FRMD5: variants seen among roughly 807,000 people sequenced by gnomAD.
The protein encoded by FRMD5 is FERM domain containing 5.
In FRMD5, 20 loss-of-function variants were observed where a neutral mutation model predicts 69.0. That is an observed-to-expected ratio of 0.29 (90% CI 0.20 to 0.42). FRMD5 has a LOEUF of 0.42. Among genes scored for constraint, FRMD5 ranks in the 10% least tolerant of loss-of-function variants. The pLI is 1.00. For synonymous variants in FRMD5, 271 were observed against 260.1 expected, an observed-to-expected ratio of 1.04 and a Z score of -0.40; for missense variants, 595 against 708.6, an observed-to-expected ratio of 0.84 and a Z score of 1.82.
chr15:44,085,753 G>C (rs756071871), intron 1 of FRMD5, among the ~76,000 whole-genome samples: 8 of 152,160 alleles, frequency 5.3e-5, no homozygotes, highest in Non-Finnish European at 8.8e-5. Context: ...CTGAGGAAGA[G>C]AGACAAGTTA....
intron 1 of FRMD5, among the ~76,000 whole-genome samples, chr15:43,964,031 A>G (rs2140552036): frequency 6.6e-6 from 1 of 152,262 alleles, no homozygotes; most frequent in East Asian, 1.9e-4. Context: ...CATTGTGCAC[A>G]TGTACCCTAA....
chr15:43,885,429 G>A (rs920691815), intron 11 of FRMD5, among the ~76,000 whole-genome samples: 1 of 152,204 alleles, frequency 6.6e-6, no homozygotes, highest in Non-Finnish European at 1.5e-5. Flanking sequence ...ACCTGCCTCA[G>A]CCTCCCAGAG....
At chr15:43,933,984 T>C (rs899542842) in intron 1 of FRMD5, among the ~76,000 whole-genome samples, 4 of 152,160 alleles carry the variant, frequency 2.6e-5, no homozygotes, top group Non-Finnish European at 2.9e-5. Context: ...GCCTTTGGGC[T>C]CTCTTGTCTA....
chr15:43,994,025 T>G (rs1001818342), intron 1 of FRMD5, among the ~76,000 whole-genome samples: 2 of 152,258 alleles, frequency 1.3e-5, no homozygotes, highest in East Asian at 3.8e-4. Context: ...GTTTTTTAAA[T>G]TAATTCAACC....
intron 1 of FRMD5, among the ~76,000 whole-genome samples, chr15:44,018,784 T>C (rs942471818): frequency 6.6e-6 from 1 of 152,344 alleles, no homozygotes; most frequent in South Asian, 2.1e-4. Flanking sequence ...TTGTCCTCCA[T>C]GTTTTGGTCT....
At chr15:43,953,996 C>T (rs536659023) in intron 1 of FRMD5, among the ~76,000 whole-genome samples, 7 of 152,194 alleles carry the variant, frequency 4.6e-5, no homozygotes, top group East Asian at 1.9e-4. Context: ...TGATCCTTAC[C>T]CAAGTCCTCA....
chr15:44,071,234 C>T (rs930316302), intron 1 of FRMD5, among the ~76,000 whole-genome samples: 5 of 152,130 alleles, frequency 3.3e-5, no homozygotes, highest in Admixed American at 3.3e-4. Context: ...TCTGAGTACA[C>T]CCTAGCTGGT....
intron 1 of FRMD5, among the ~76,000 whole-genome samples, chr15:43,957,981 C>T (rs1173380543): frequency 6.6e-6 from 1 of 152,158 alleles, no homozygotes; most frequent in Non-Finnish European, 1.5e-5. Context: ...TATCATTAAC[C>T]TATTTTGCAA....
chr15:44,134,928 G>A (rs973180420), intron 1 of FRMD5, among the ~76,000 whole-genome samples: 1 of 152,152 alleles, frequency 6.6e-6, no homozygotes, highest in Non-Finnish European at 1.5e-5. Context: ...AAGAAGATTA[G>A]GGCTAGAATG....
intron 8 of FRMD5, among the ~76,000 whole-genome samples, chr15:43,889,438 G>A (rs1419700166): frequency 6.6e-6 from 1 of 152,182 alleles, no homozygotes; most frequent in Non-Finnish European, 1.5e-5. Flanking sequence ...AGATTACATG[G>A]AACAGTCATG....
At chr15:44,105,667 T>C (rs2076706337) in intron 1 of FRMD5, among the ~76,000 whole-genome samples, 1 of 152,228 alleles carries the variant, frequency 6.6e-6, no homozygotes, top group African/African-American at 2.4e-5. Context: ...TATTTATTTG[T>C]AGCTTGTCAT....
chr15:43,999,835 T>C lies in FRMD5; in HGVS notation c.103-75526A>G, dbSNP rs78084908. Among the ~76,000 whole-genome samples, 1,132 of 126,982 alleles carry C rather than the reference T, an allele frequency of 8.9e-3. 21 individuals carry two copies. Among genetic ancestry groups the C allele is most frequent in the African/African-American group, 0.029 (1,074 of 37,114 alleles). The allele number at this position is 126,982 out of a possible 152,430, so 83.3% of individuals were successfully genotyped here. The stretch of plus-strand genomic sequence containing the variant: ...ATATATGTGAATACACACACACATA[T>C]ACAATGGAATATCTATATCACAGAT... On this transcript the variant is annotated intron_variant, in intron 1 of 13. Transcript: ENST00000417257.
intron 1 of FRMD5, among the ~76,000 whole-genome samples, chr15:43,942,230 A>C (rs989978802): frequency 6.6e-6 from 1 of 152,214 alleles, no homozygotes; most frequent in Non-Finnish European, 1.5e-5. Flanking sequence ...CTAGGAATTC[A>C]TAATTAAAGA....
chr15:44,105,173 C>G lies in FRMD5; in HGVS notation c.102+89780G>C, dbSNP rs1171831399. Among the ~76,000 whole-genome samples the G allele has an allele frequency of 1.6e-4, 24 of 150,920 alleles. 1 individual carries two copies. Among genetic ancestry groups the G allele is most frequent in the Non-Finnish European group, 3.5e-4 (24 of 67,866 alleles). On this transcript the variant is annotated intron_variant, in intron 1 of 13. Coordinates refer to ENST00000417257, the MANE Select transcript of FRMD5 (RefSeq NM_032892.5). ...CTCACTGCAGCCTCGATGTCCCAGG[C>G]TCAAGTGATCTTCTCACCTCAGCCT...
intron 1 of FRMD5, among the ~76,000 whole-genome samples, chr15:44,074,349 G>A (rs1893668047): frequency 6.6e-6 from 1 of 152,166 alleles, no homozygotes; most frequent in Non-Finnish European, 1.5e-5. Context: ...AGAAGTCCTG[G>A]TTGGCTTTGG....
chr15:43,994,870 T>C (rs1889849581), intron 1 of FRMD5, among the ~76,000 whole-genome samples: 1 of 152,272 alleles, frequency 6.6e-6, no homozygotes, highest in African/African-American at 2.4e-5. Flanking sequence ...TGTTTACTAA[T>C]TAGCATCCTC....
chr15:43,946,463 A>G (rs917671228), intron 1 of FRMD5, among the ~76,000 whole-genome samples: 1 of 152,138 alleles, frequency 6.6e-6, no homozygotes, highest in Non-Finnish European at 1.5e-5. Flanking sequence ...CATTATTTCT[A>G]ATTTTATTTT....
At chr15:43,962,613 A>T (rs2090221151) in intron 1 of FRMD5, among the ~76,000 whole-genome samples, 1 of 152,238 alleles carries the variant, frequency 6.6e-6, no homozygotes, top group Non-Finnish European at 1.5e-5. Flanking sequence ...TCCTAAGCCA[A>T]AAGAACAAAG....
At position 44,064,052 on chromosome 15, in the gene FRMD5, T is replaced by A. The variant is rs1893207189; in HGVS notation, c.102+130901A>T. 2.3e-5 allele frequency: 5 copies of A among 216,286 alleles called. No individual in the cohort carries two copies. In the South Asian group the frequency reaches 3.6e-4, roughly 16 times the overall value. The allele number at this position is 216,286 out of a possible 1,614,324, so 13.4% of individuals were successfully genotyped here. On this transcript the variant is annotated intron_variant, in intron 1 of 13. Coordinates refer to ENST00000417257, the MANE Select transcript of FRMD5 (RefSeq NM_032892.5). Reference sequence around the variant, plus strand: ...GAATTCATGACCACAGTCCATGCCATCACGGACACCCAGAAGACTGTGGAT... The same window carrying A: ...GAATTCATGACCACAGTCCATGCCAACACGGACACCCAGAAGACTGTGGAT...
Sources: allele counts gnomAD v4.1 joint callset (sites outside exome capture counted in the v4.1 genomes callset), GRCh38; gene constraint gnomAD v4.1.1; transcripts MANE v1.5; gene names NCBI Gene and HGNC (gene_info 2026-07-23, HGNC 2026-07-21).